FBXO34: variants seen among roughly 807,000 people sequenced by gnomAD.
FBXO34 encodes F-box protein 34, also known as F-box only protein 34.
A neutral mutation model predicts 24.5 loss-of-function variants in FBXO34; 12 were observed. The observed-to-expected ratio is 0.49, with a 90% CI of 0.31 to 0.79. The LOEUF (loss-of-function observed/expected upper bound fraction) is 0.79. Among genes scored for constraint, FBXO34 ranks in the 30% least tolerant of loss-of-function variants. FBXO34 has a pLI of 0.04. For missense variants in FBXO34, 823 were observed against 857.7 expected (o/e 0.96, Z 0.51); for synonymous variants, 320 against 311.9 (o/e 1.03, Z -0.27).
chr14:55,277,117 A>G (rs1227444026), intron 1 of FBXO34, among the ~76,000 whole-genome samples: 3 of 152,250 alleles, frequency 2.0e-5, no homozygotes, highest in Admixed American at 2.0e-4. Flanking sequence ...GAACATTTTC[A>G]TCACCACAAA....
the FBXO34 span, among the ~76,000 whole-genome samples, chr14:55,416,730 C>T: frequency 6.6e-6 from 1 of 152,142 alleles, no homozygotes; most frequent in African/African-American, 2.4e-5. Context: ...ACTTTTTGGG[C>T]TTCTAGCTGC....
intron 1 of FBXO34, among the ~76,000 whole-genome samples, chr14:55,311,939 G>A (rs371762376): frequency 2.6e-5 from 4 of 152,114 alleles, no homozygotes; most frequent in East Asian, 1.9e-4. Context: ...AGTGGCTCAC[G>A]TCTGTAATCC....
chr14:55,301,840 AGTCAT>A (rs771175469), intron 1 of FBXO34, among the ~76,000 whole-genome samples: 33 of 152,322 alleles, frequency 2.2e-4, no homozygotes, highest in African/African-American at 5.5e-4. Context: ...AGAACAGATG[AGTCAT>A]GTCATGTGTA....
intron 1 of FBXO34, among the ~76,000 whole-genome samples, chr14:55,292,597 A>G (rs1482037413): frequency 4.6e-5 from 7 of 152,282 alleles, no homozygotes; most frequent in African/African-American, 1.4e-4. Context: ...GTTAGACTCA[A>G]GACCCTTCTG....
downstream of FBXO34, among the ~76,000 whole-genome samples, chr14:55,353,764 G>T (rs2140096546): frequency 6.6e-6 from 1 of 152,276 alleles, no homozygotes; most frequent in African/African-American, 2.4e-5. Context: ...ACTTAACATT[G>T]AAGTTTAAAT....
At chr14:55,342,270 A>G (rs1884017509) in intron 1 of FBXO34, among the ~76,000 whole-genome samples, 1 of 152,220 alleles carries the variant, frequency 6.6e-6, no homozygotes, top group Non-Finnish European at 1.5e-5. Context: ...AGCCGTGAGC[A>G]GTTTTTGAAA....
chr14:55,382,326 A>G, the FBXO34 span: 3 of 684,016 alleles, frequency 4.4e-6, no homozygotes, highest in East Asian at 8.2e-5. Flanking sequence ...TTTATTTTTT[A>G]TTTTAGAGAT....
chr14:55,436,491 G>A, the FBXO34 span: 2 of 1,302,284 alleles, frequency 1.5e-6, no homozygotes, highest in Non-Finnish European at 2.2e-6. Flanking sequence ...CCTGAAATTA[G>A]TTGTCATCGC....
the FBXO34 span, chr14:55,390,892 A>G: frequency 3.5e-5 from 53 of 1,522,446 alleles, no homozygotes; most frequent in South Asian, 4.0e-4. Flanking sequence ...GGCTGGAAGG[A>G]AGGACACGAA....
At chr14:55,323,017 C>CAAAAAAAAAAAAAAAAA (rs1444620301) in intron 1 of FBXO34, among the ~76,000 whole-genome samples, 1 of 40,894 alleles carries the variant, frequency 2.4e-5, no homozygotes, top group African/African-American at 1.0e-4. Context: ...ACTAAAAATA[C>CAAAAAAAAAAAAAAAAA]AAAAAAAAAA....
chr14:55,414,368 G>A, the FBXO34 span: 6 of 1,585,896 alleles, frequency 3.8e-6, no homozygotes, highest in Non-Finnish European at 4.3e-6. Context: ...GTGAGATGCT[G>A]AATGATATGC....
At position 55,331,761 on chromosome 14, in the gene FBXO34, G is replaced by GTGTA. The variant is rs1555338555; in HGVS notation, c.-10-18619_-10-18618insGTAT. ...TATATGTGTGTATATATATATATAT[G>GTGTA]TATATATATATATATATACCACCAT... On this transcript the variant is annotated intron_variant, in intron 1 of 1. Coordinates refer to ENST00000313833, the MANE Select transcript of FBXO34 (RefSeq NM_017943.4). 1.0e-4 allele frequency among the ~76,000 whole-genome samples: 3 copies of GTGTA among 30,022 alleles called. 1 individual carries two copies. The African/African-American group carries it at 2.2e-3, about 22-fold the overall frequency. 19.7% of individuals were successfully genotyped at this position (30,022 alleles called of 152,430 possible).
chr14:55,316,884 CTCTA>C (rs1181862423), intron 1 of FBXO34, among the ~76,000 whole-genome samples: 2 of 152,074 alleles, frequency 1.3e-5, no homozygotes, highest in African/African-American at 4.8e-5. Context: ...TTGTTTTTAT[CTCTA>C]TCTTTTATGC....
chr14:55,293,784 G>A (rs1228210170), intron 1 of FBXO34, among the ~76,000 whole-genome samples: 1 of 151,922 alleles, frequency 6.6e-6, no homozygotes, highest in African/African-American at 2.4e-5. Flanking sequence ...CTAGCACATG[G>A]GTATTGTTCA....
the FBXO34 span, chr14:55,395,210 G>A: frequency 1.4e-3 from 532 of 383,596 alleles, 2 homozygotes; most frequent in Middle Eastern, 3.8e-3. Flanking sequence ...CCCATTCAGT[G>A]GAGCTGACCT....
At chr14:55,433,135 T>A in the FBXO34 span, among the ~76,000 whole-genome samples, 5 of 151,642 alleles carry the variant, frequency 3.3e-5, no homozygotes, top group African/African-American at 1.2e-4. Flanking sequence ...TATTTTATTA[T>A]TTTTTTTAAT....
chr14:55,410,718 A>C, the FBXO34 span, among the ~76,000 whole-genome samples: 1 of 152,234 alleles, frequency 6.6e-6, no homozygotes, highest in South Asian at 2.1e-4. Flanking sequence ...CAAAGCACTT[A>C]CTGTGCAGCT....
At chr14:55,317,454 C>G (rs187892445) in intron 1 of FBXO34, among the ~76,000 whole-genome samples, 3 of 152,084 alleles carry the variant, frequency 2.0e-5, no homozygotes, top group Admixed American at 6.6e-5. Context: ...GCACTCCAGC[C>G]TGGGTGACAG....
intron 1 of FBXO34, among the ~76,000 whole-genome samples, chr14:55,331,035 A>C (rs1883515156): frequency 1.3e-5 from 2 of 152,190 alleles, no homozygotes; most frequent in Admixed American, 6.5e-5. Flanking sequence ...TAGCTCCCAA[A>C]CTGTGGGATT....
Sources: allele counts gnomAD v4.1 joint callset (sites outside exome capture counted in the v4.1 genomes callset), GRCh38; gene constraint gnomAD v4.1.1; transcripts MANE v1.5; gene names NCBI Gene and HGNC (gene_info 2026-07-23, HGNC 2026-07-21).